The following SGMS1 variants were observed in gnomAD, a reference collection of about 807,000 sequenced individuals.
SGMS1 encodes the protein phosphatidylcholine:ceramide cholinephosphotransferase 1.
Under a neutral mutation model 46.2 loss-of-function variants are expected in SGMS1, and 13 were observed. The ratio of observed to expected loss-of-function variants is 0.28; its 90% confidence interval spans 0.18 to 0.45. SGMS1 has a LOEUF of 0.45. Among genes scored for constraint, SGMS1 ranks in the 20% least tolerant of loss-of-function variants. SGMS1 has a pLI of 1.00. For missense variants in SGMS1, 324 were observed against 519.9 expected, an observed-to-expected ratio of 0.62 and a Z score of 3.66; for synonymous variants, 203 against 187.8, an observed-to-expected ratio of 1.08 and a Z score of -0.66.
chr10:50,453,859 GAGGGAGGA>G (rs1564918397), intron 5 of SGMS1, among the ~76,000 whole-genome samples: 1 of 61,272 alleles, frequency 1.6e-5, no homozygotes, highest in African/African-American at 6.0e-5. Flanking sequence ...GGGAGGGAGG[GAGGGAGGA>G]AGGAAGGAAG....
chr10:50,373,356 T>C (rs1198142254), intron 6 of SGMS1, among the ~76,000 whole-genome samples: 1 of 152,230 alleles, frequency 6.6e-6, no homozygotes, highest in East Asian at 1.9e-4. Context: ...ACTGCAGGCA[T>C]CACTGTCCTA....
intron 6 of SGMS1, among the ~76,000 whole-genome samples, chr10:50,346,808 C>T (rs982376204): frequency 1.3e-5 from 2 of 152,056 alleles, no homozygotes; most frequent in African/African-American, 2.4e-5. Flanking sequence ...GCAAGTGATT[C>T]TCCCAACTCA....
intron 7 of SGMS1, among the ~76,000 whole-genome samples, chr10:50,338,324 AC>A (rs1447850134): frequency 1.3e-5 from 2 of 152,064 alleles, no homozygotes; most frequent in Non-Finnish European, 1.5e-5. Flanking sequence ...TGACTAATAT[AC>A]CCTGTGACAT....
At chr10:50,526,443 T>A (rs1464850275) in intron 2 of SGMS1, among the ~76,000 whole-genome samples, 1 of 152,172 alleles carries the variant, frequency 6.6e-6, no homozygotes, top group Non-Finnish European at 1.5e-5. Flanking sequence ...GATTTGGGTG[T>A]GGACACAGAG....
upstream of SGMS1, among the ~76,000 whole-genome samples, chr10:50,624,356 A>G (rs937299328): frequency 6.6e-6 from 1 of 152,078 alleles, no homozygotes; most frequent in Non-Finnish European, 1.5e-5. Context: ...CTACTACTGG[A>G]TTCTTTTTCC....
intron 1 of SGMS1, among the ~76,000 whole-genome samples, chr10:50,608,608 G>C (rs543969989): frequency 6.6e-6 from 1 of 152,236 alleles, no homozygotes; most frequent in East Asian, 1.9e-4. Context: ...TATTATCATC[G>C]AAATTTAATC....
At chr10:50,392,095 C>G (rs1848777831) in intron 6 of SGMS1, among the ~76,000 whole-genome samples, 1 of 151,782 alleles carries the variant, frequency 6.6e-6, no homozygotes, top group South Asian at 2.1e-4. Flanking sequence ...TACTTATTAC[C>G]TGGTTGATGA....
At chr10:50,422,035 T>C (rs573518362) in intron 6 of SGMS1, among the ~76,000 whole-genome samples, 3 of 152,284 alleles carry the variant, frequency 2.0e-5, no homozygotes, top group African/African-American at 7.2e-5. Context: ...TTTCTTCTCC[T>C]AGAACTTTTG....
intron 3 of SGMS1, among the ~76,000 whole-genome samples, chr10:50,495,391 T>A (rs1471661955): frequency 6.6e-6 from 1 of 152,176 alleles, no homozygotes; most frequent in Non-Finnish European, 1.5e-5. Flanking sequence ...TTAAATAGAA[T>A]GTGATCTATT....
At chr10:50,509,545 T>C (rs1837736266) in intron 3 of SGMS1, among the ~76,000 whole-genome samples, 1 of 152,232 alleles carries the variant, frequency 6.6e-6, no homozygotes, top group East Asian at 1.9e-4. Flanking sequence ...AATATTTTAA[T>C]GGCAAAGGAA....
intron 6 of SGMS1, among the ~76,000 whole-genome samples, chr10:50,385,129 T>C (rs1848664792): frequency 6.6e-6 from 1 of 152,188 alleles, no homozygotes; most frequent in African/African-American, 2.4e-5. Context: ...TAAATTGAGG[T>C]TATGCATTTT....
intron 1 of SGMS1, among the ~76,000 whole-genome samples, chr10:50,607,656 G>A (rs1838710168): frequency 6.6e-6 from 1 of 152,118 alleles, no homozygotes; most frequent in Non-Finnish European, 1.5e-5. Flanking sequence ...AAAAATATCA[G>A]GGAAAAATGT....
At chr10:50,408,465 A>AC (rs1230517516) in intron 6 of SGMS1, among the ~76,000 whole-genome samples, 2 of 151,470 alleles carry the variant, frequency 1.3e-5, no homozygotes, top group African/African-American at 4.9e-5. Flanking sequence ...ACAAAATAAA[A>AC]ACTTTTTTTA....
At chr10:50,351,073 C>A (rs539401452) in intron 6 of SGMS1, among the ~76,000 whole-genome samples, 2 of 152,150 alleles carry the variant, frequency 1.3e-5, no homozygotes, top group South Asian at 4.1e-4. Flanking sequence ...TGGGGCTGCT[C>A]AAGACCATAG....
chr10:50,328,133 T>C, intron 7 of SGMS1: 1 of 347,908 alleles, frequency 2.9e-6, no homozygotes, highest in Non-Finnish European at 5.5e-6. Flanking sequence ...TCTATATACA[T>C]ACACATGTAT....
chr10:50,522,356 G>T (rs1051396856), intron 2 of SGMS1, among the ~76,000 whole-genome samples: 1 of 151,658 alleles, frequency 6.6e-6, no homozygotes, highest in African/African-American at 2.4e-5. Flanking sequence ...GGCTCATCTT[G>T]TATCTACCCT....
chr10:50,466,023 A>G (rs527266031), intron 4 of SGMS1, among the ~76,000 whole-genome samples: 30 of 152,282 alleles, frequency 2.0e-4, no homozygotes, highest in African/African-American at 6.7e-4. Flanking sequence ...AAAAGTAGGT[A>G]TGTAGTAAGG....
chr10:50,414,242 C>A (rs978424330), intron 6 of SGMS1, among the ~76,000 whole-genome samples: 3 of 152,078 alleles, frequency 2.0e-5, no homozygotes, highest in African/African-American at 7.2e-5. Context: ...CTTGTCTCTG[C>A]AAAATATTAA....
At chr10:50,402,988 C>T (rs1014318319) in intron 6 of SGMS1, among the ~76,000 whole-genome samples, 2 of 152,076 alleles carry the variant, frequency 1.3e-5, no homozygotes, top group Admixed American at 6.5e-5. Flanking sequence ...TTTGGCTTTC[C>T]GTTCCTGAGT....
Sources: gnomAD v4.1 joint callset for allele counts (sites outside exome capture counted in the v4.1 genomes callset) on GRCh38, gnomAD v4.1.1 for gene constraint, MANE v1.5 for transcripts, NCBI Gene and HGNC (gene_info 2026-07-23, HGNC 2026-07-21) for gene names.